PIEZO2: variants seen among roughly 807,000 people sequenced by gnomAD.
PIEZO2 encodes the protein piezo type mechanosensitive ion channel component 2.
Under a neutral mutation model 337.3 loss-of-function variants are expected in PIEZO2, and 172 were observed. The observed-to-expected ratio is 0.51, with a 90% confidence interval of 0.45 to 0.58. The LOEUF is 0.58. Among genes scored for constraint, PIEZO2 ranks in the 20% least tolerant of loss-of-function variants. The pLI is 0.00. For missense variants in PIEZO2, 3,028 were observed against 3,391.3 expected, an observed-to-expected ratio of 0.89 and a Z score of 2.66; for synonymous variants, 1,251 against 1,228.5, an observed-to-expected ratio of 1.02 and a Z score of -0.38.
intron 36 of PIEZO2, among the ~76,000 whole-genome samples, chr18:10,721,205 C>A (rs1217193619): frequency 3.3e-5 from 5 of 152,156 alleles, no homozygotes; most frequent in African/African-American, 7.2e-5. Flanking sequence ...TTCTCTGGGA[C>A]CTTATTTGCT....
chr18:10,811,671 A>G (rs2040194514), intron 7 of PIEZO2, among the ~76,000 whole-genome samples: 1 of 152,228 alleles, frequency 6.6e-6, no homozygotes, highest in South Asian at 2.1e-4. Flanking sequence ...CAAAGGCAAC[A>G]AAAGTGCACT....
rs1010485543 is a variant in PIEZO2, at chr18:10,713,231, A to G, written c.5423+1533T>C. Among the ~76,000 whole-genome samples the G allele has an allele frequency of 2.6e-5, 4 of 152,188 alleles. No homozygotes were observed. Among genetic ancestry groups the G allele is most frequent in the African/African-American group, 7.2e-5 (3 of 41,450 alleles). ...ATATATATCACAAAGATCTTTTCAT[A>G]CCAATAAATATGGATCTGCCTCAAT... On this transcript the variant is annotated intron_variant, in intron 39 of 55. Coordinates refer to ENST00000674853, the MANE Select transcript of PIEZO2 (RefSeq NM_001378183.1). The surrounding 1 kb of genome is among the most constrained non-coding windows in gnomAD (Gnocchi z 4.5).
intron 2 of PIEZO2, among the ~76,000 whole-genome samples, chr18:10,983,591 A>G (rs1598781389): frequency 6.6e-6 from 1 of 152,022 alleles, no homozygotes; most frequent in African/African-American, 2.4e-5. Context: ...CTGGTGTCCA[A>G]TTCTCTACAG....
chr18:11,081,757 A>C (rs1300787756), intron 1 of PIEZO2, among the ~76,000 whole-genome samples: 1 of 147,338 alleles, frequency 6.8e-6, no homozygotes, highest in Non-Finnish European at 1.5e-5. Flanking sequence ...TACTCAACTC[A>C]ACTTTTTTTT....
In PIEZO2 at chr18:10,705,465, G is replaced by C; in HGVS notation, c.5870C>G (p.Ser1957Trp). Residue 1957 changes from serine to tryptophan, a missense_variant, in exon 41 of 56, where the codon TCG (serine) becomes TGG (tryptophan). Physicochemically the swap from Ser to Trp is radical, Grantham distance 177. Around this residue, in one of 5 missense-constraint regions of PIEZO2, gnomAD observed 1,925 missense variants for 2,051.9 expected, o/e 0.94. Transcript: ENST00000674853. ...GTTCTTGCCTGCAGAGTCGTCCTGCGAGCCGAAGGACAGATGCTCGAAGCT... is the reference window on the plus strand; with the variant it reads ...GTTCTTGCCTGCAGAGTCGTCCTGCCAGCCGAAGGACAGATGCTCGAAGCT... ...AVSFEHLSFG[S>W]QDDSAGKNRM... The C allele has an allele frequency of 2.0e-6, 3 of 1,537,242 alleles. No individual in the cohort carries two copies. Among genetic ancestry groups the C allele is most frequent in the East Asian group, 2.4e-5 (1 of 40,896 alleles).
chr18:10,697,305 G>A (rs988273951), intron 45 of PIEZO2, among the ~76,000 whole-genome samples: 3 of 152,174 alleles, frequency 2.0e-5, no homozygotes, highest in Non-Finnish European at 4.4e-5. Flanking sequence ...ATCCCCAGCA[G>A]GTGGAGGGAC....
In PIEZO2 at chr18:10,953,763, C is replaced by T. The variant is rs753364072; in HGVS notation, c.286+25772G>A. Among the ~76,000 whole-genome samples the T allele has an allele frequency of 3.3e-5, 5 of 152,056 alleles. No individual in the cohort carries two copies. The highest frequency in any genetic ancestry group is 5.9e-5 in the Non-Finnish European group (4 of 68,014). On this transcript the variant is annotated intron_variant, in intron 3 of 55. Coordinates refer to ENST00000674853, the MANE Select transcript of PIEZO2 (RefSeq NM_001378183.1). This position sits in a 1 kb window ranked among gnomAD's most constrained non-coding sequence, Gnocchi z 5.2. ...TTACCCACATCTACTCATGGTCCTG[C>T]GGGAGGACACTGCACACCACACAGG...
intron 47 of PIEZO2, among the ~76,000 whole-genome samples, chr18:10,691,782 C>CACACACACACACACACACACATATATAT: frequency 3.1e-5 from 3 of 96,602 alleles, no homozygotes; most frequent in African/African-American, 4.6e-5. Context: ...CACACACACA[C>CACACACACACACACACACACATATATAT]ATATATATAT....
At chr18:10,764,497 C>G (rs187869172) in intron 21 of PIEZO2, among the ~76,000 whole-genome samples, 1 of 151,328 alleles carries the variant, frequency 6.6e-6, no homozygotes, top group African/African-American at 2.4e-5. Context: ...AAAAATTAGC[C>G]GGGCGTGGTG....
rs1419879578 is a variant in PIEZO2 at position 11,083,429 on chromosome 18, G to C, written c.65-17207C>G. Among the ~76,000 whole-genome samples, 1 of 152,220 alleles carries C rather than the reference G, an allele frequency of 6.6e-6. No homozygotes were observed. Among genetic ancestry groups the C allele is most frequent in the African/African-American group, 2.4e-5 (1 of 41,462 alleles). ...AGAATGAGAGATCCGAAGGAGTCCA[G>C]GTAAGGGCAGAAATGCTCTCCTCCA... On this transcript the variant is annotated intron_variant, in intron 1 of 55. Coordinates refer to ENST00000674853, the MANE Select transcript of PIEZO2 (RefSeq NM_001378183.1). The surrounding 1 kb of genome is among the most constrained non-coding windows in gnomAD (Gnocchi z 4.4).
intron 3 of PIEZO2, among the ~76,000 whole-genome samples, chr18:10,966,051 A>G (rs1273379051): frequency 6.6e-6 from 1 of 152,248 alleles, no homozygotes; most frequent in Non-Finnish European, 1.5e-5. Context: ...CATAATGTAC[A>G]TAAAATGTGA....
In PIEZO2 at chr18:10,796,880, A is replaced by G. The variant is rs1598492916; in HGVS notation, c.1527+494T>C. ...CATACCATCAGATATTGTACACACC[A>G]TCATATCATACATACCATCATATCA... On this transcript the variant is annotated intron_variant, in intron 12 of 55. Coordinates refer to ENST00000674853, the MANE Select transcript of PIEZO2 (RefSeq NM_001378183.1). Among the ~76,000 whole-genome samples, 5 of 152,282 alleles carry G rather than the reference A, an allele frequency of 3.3e-5. No individual in the cohort carries two copies. In the South Asian group the frequency reaches 1.0e-3, roughly 32 times the overall value.
intron 2 of PIEZO2, among the ~76,000 whole-genome samples, chr18:11,049,409 G>C (rs1325409383): frequency 1.3e-5 from 2 of 152,224 alleles, no homozygotes; most frequent in African/African-American, 4.8e-5. Context: ...AGGCCTGGTA[G>C]AGCAGACACC....
chr18:11,130,148 G>A (rs1183464867), intron 1 of PIEZO2, among the ~76,000 whole-genome samples: 1 of 152,226 alleles, frequency 6.6e-6, no homozygotes, highest in African/African-American at 2.4e-5. Context: ...GGAAGATGCA[G>A]AGGTGGTGAT....
chr18:10,914,324 T>C (rs112125651), intron 3 of PIEZO2, among the ~76,000 whole-genome samples: 81 of 151,972 alleles, frequency 5.3e-4, no homozygotes, highest in African/African-American at 1.8e-3. Flanking sequence ...GGAAAATATA[T>C]AGCATGGAGA....
chr18:11,125,639 A>G lies in PIEZO2; in HGVS notation c.64+22886T>C, dbSNP rs1346650062. Among the ~76,000 whole-genome samples the G allele has an allele frequency of 6.6e-6, 1 of 152,184 alleles. No individual in the cohort carries two copies. The highest frequency in any genetic ancestry group is 1.5e-5 in the Non-Finnish European group (1 of 68,028). On this transcript the variant is annotated intron_variant, in intron 1 of 55. Transcript: ENST00000674853. This position sits in a 1 kb window ranked among gnomAD's most constrained non-coding sequence, Gnocchi z 4.4. ...ATGAAGTCCTGTTGTAACCATAATGAAAGAGGAAAAGAAACTTCAAAGCCA... is the reference window on the plus strand; with the variant it reads ...ATGAAGTCCTGTTGTAACCATAATGGAAGAGGAAAAGAAACTTCAAAGCCA...
chr18:11,081,749 C>T (rs898205126), intron 1 of PIEZO2, among the ~76,000 whole-genome samples: 1 of 150,926 alleles, frequency 6.6e-6, no homozygotes, highest in Non-Finnish European at 1.5e-5. Context: ...ACACACCCTA[C>T]TCAACTCAAC....
rs1213555946 is a variant in PIEZO2, at chr18:11,116,218, A to G, written c.64+32307T>C. Reference sequence around the variant, plus strand: ...TGCTCAGATTATGCCCACTGCCTTCAATATCCAGCTTTACAAATCCTATCT... The same window carrying G: ...TGCTCAGATTATGCCCACTGCCTTCGATATCCAGCTTTACAAATCCTATCT... On this transcript the variant is annotated intron_variant, in intron 1 of 55. Transcript: ENST00000674853. The surrounding 1 kb of genome is among the most constrained non-coding windows in gnomAD (Gnocchi z 5.0). Among the ~76,000 whole-genome samples the G allele has an allele frequency of 6.6e-6, 1 of 152,214 alleles. No homozygotes were observed. Among genetic ancestry groups the G allele is most frequent in the East Asian group, 1.9e-4 (1 of 5,202 alleles).
At chr18:10,893,480 C>G (rs910286000) in intron 4 of PIEZO2, 1 of 152,152 alleles carries the variant, frequency 6.6e-6, no homozygotes, top group Non-Finnish European at 1.5e-5. Context: ...TCCAGCTTCC[C>G]GCAGTAATTA....
Sources: gnomAD v4.1 joint callset for allele counts (sites outside exome capture counted in the v4.1 genomes callset) on GRCh38, gnomAD v4.1.1 for gene constraint, gnomAD v4.1.1 regional missense constraint, Gnocchi (gnomAD v3.1) non-coding constraint, MANE v1.5 for transcripts, NCBI Gene and HGNC (gene_info 2026-07-23, HGNC 2026-07-21) for gene names.